TAFA5: variants seen among roughly 807,000 people sequenced by gnomAD.
TAFA5 encodes the protein TAFA chemokine like family member 5, also known as chemokine-like protein TAFA-5.
Under a neutral mutation model 15.3 loss-of-function variants are expected in TAFA5, and 6 were observed. The observed-to-expected ratio is 0.39, with a 90% CI of 0.21 to 0.77. The LOEUF (loss-of-function observed/expected upper bound fraction) is 0.77, where lower values mean the gene tolerates loss of function less well. TAFA5 is among the 30% of genes least tolerant of loss of function. The pLI, the probability that TAFA5 is intolerant of heterozygous loss-of-function variation, is 0.41. For synonymous variants in TAFA5, 103 were observed against 80.7 expected (o/e 1.28, Z -1.48); for missense variants, 161 against 193.1 (o/e 0.83, Z 0.98).
At chr22:48,600,170 CCT>C (rs1215991925) in intron 1 of TAFA5, among the ~76,000 whole-genome samples, 1 of 151,976 alleles carries the variant, frequency 6.6e-6, no homozygotes, top group African/African-American at 2.4e-5. Context: ...CGAGATCTCC[CCT>C]GTGTCAGTGA....
intron 1 of TAFA5, among the ~76,000 whole-genome samples, chr22:48,597,755 T>C (rs972753833): frequency 6.6e-6 from 1 of 152,262 alleles, no homozygotes; most frequent in Non-Finnish European, 1.5e-5. Context: ...CTGGCACTTC[T>C]CAGCCGACTG....
chr22:48,606,596 C>G (rs1385401219), intron 1 of TAFA5, among the ~76,000 whole-genome samples: 1 of 152,218 alleles, frequency 6.6e-6, no homozygotes, highest in African/African-American at 2.4e-5. Flanking sequence ...TGATTTTCTT[C>G]TTTTTATACA....
At chr22:48,616,716 G>A (rs1264987165) in intron 1 of TAFA5, among the ~76,000 whole-genome samples, 1 of 152,180 alleles carries the variant, frequency 6.6e-6, no homozygotes, top group Non-Finnish European at 1.5e-5. Flanking sequence ...TCTGTCTAGG[G>A]CTGCAGAAAG....
chr22:48,518,224 T>G (rs1348337052), intron 1 of TAFA5, among the ~76,000 whole-genome samples: 2 of 152,192 alleles, frequency 1.3e-5, no homozygotes, highest in African/African-American at 4.8e-5. Context: ...GATCTGGGTG[T>G]CTGGACCTGG....
At chr22:48,723,769 A>G (rs1489837310) in intron 3 of TAFA5, among the ~76,000 whole-genome samples, 3 of 152,254 alleles carry the variant, frequency 2.0e-5, no homozygotes, top group Non-Finnish European at 4.4e-5. Context: ...GGATGATAAG[A>G]AAGGAAAATG....
intron 1 of TAFA5, among the ~76,000 whole-genome samples, chr22:48,616,484 G>A (rs1925609377): frequency 6.6e-6 from 1 of 152,172 alleles, no homozygotes; most frequent in Admixed American, 6.5e-5. Flanking sequence ...CATCTCTAAT[G>A]CGTCACCCGC....
At position 48,636,061 on chromosome 22, in the gene TAFA5, AG is replaced by A. The variant is rs564335764; in HGVS notation, c.113-10534del. On this transcript the variant is annotated intron_variant, in intron 1 of 3. Transcript: ENST00000402357. ...GTGCACAGGCAGTGGCCAGACGGCC[AG>A]GCCGCAGGCAGTTGCTCCCGGCAGT... is the stretch of plus-strand genomic sequence containing the variant. Among the ~76,000 whole-genome samples the A allele has an allele frequency of 6.4e-4, 98 of 152,348 alleles. 1 individual carries two copies. Among genetic ancestry groups the A allele is most frequent in the South Asian group, 6.2e-4 (3 of 4,820 alleles).
At chr22:48,703,649 G>A (rs918293839) in intron 2 of TAFA5, among the ~76,000 whole-genome samples, 4 of 152,236 alleles carry the variant, frequency 2.6e-5, no homozygotes, top group East Asian at 1.9e-4. Context: ...CACCCTCAGC[G>A]TCCTTCTCCC....
intron 1 of TAFA5, among the ~76,000 whole-genome samples, chr22:48,624,039 G>A (rs754106463): frequency 5.9e-5 from 9 of 152,164 alleles, no homozygotes; most frequent in Admixed American, 1.3e-4. Flanking sequence ...AGGATCCCAC[G>A]TGGTATTATT....
intron 1 of TAFA5, among the ~76,000 whole-genome samples, chr22:48,643,444 G>A (rs1412366372): frequency 3.9e-5 from 6 of 152,168 alleles, no homozygotes; most frequent in South Asian, 2.1e-4. Context: ...TTTGGGGACC[G>A]CCTGGGTGAG....
At chr22:48,494,532 C>T (rs1928260224) in intron 1 of TAFA5, among the ~76,000 whole-genome samples, 1 of 152,166 alleles carries the variant, frequency 6.6e-6, no homozygotes, top group African/African-American at 2.4e-5. Context: ...TGTCAGGGGC[C>T]TGTGTTGGTG....
chr22:48,561,295 C>T (rs867749818), intron 1 of TAFA5, among the ~76,000 whole-genome samples: 11 of 152,144 alleles, frequency 7.2e-5, no homozygotes, highest in African/African-American at 1.4e-4. Context: ...CTCTCCCGTC[C>T]GCAGGGATAG....
At position 48,582,833 on chromosome 22, in the gene TAFA5, A is replaced by C. The variant is rs559558518; in HGVS notation, c.113-63764A>C. Among the ~76,000 whole-genome samples the C allele has an allele frequency of 3.1e-3, 295 of 94,944 alleles. 4 individuals are homozygous for C. Among genetic ancestry groups the C allele is most frequent in the African/African-American group, 0.011 (272 of 25,354 alleles). The allele number at this position is 94,944 out of a possible 152,430, so 62.3% of individuals were successfully genotyped here. A position where few individuals can be genotyped will look rare whatever the true frequency, so the allele number is the denominator to read the frequency against. On this transcript the variant is annotated intron_variant, in intron 1 of 3. Coordinates refer to ENST00000402357, the MANE Select transcript of TAFA5 (RefSeq NM_001082967.3). ...AATACACCACACACCACACACAATA[A>C]ACCACACACAAAATACACCACACAC...
intron 2 of TAFA5, among the ~76,000 whole-genome samples, chr22:48,676,964 CA>C (rs1261466380): frequency 2.6e-5 from 4 of 152,208 alleles, no homozygotes; most frequent in African/African-American, 9.6e-5. Flanking sequence ...ACTGGGCTCC[CA>C]GGGGCAGCCC....
In TAFA5 at chr22:48,552,882, TCCCA is replaced by T. The variant is rs1311213146; in HGVS notation, c.112+63180_112+63183del. Among the ~76,000 whole-genome samples, 3 of 152,074 alleles carry T rather than the reference TCCCA, an allele frequency of 2.0e-5. No homozygotes were observed. Among genetic ancestry groups the T allele is most frequent in the African/African-American group, 7.2e-5 (3 of 41,418 alleles). On this transcript the variant is annotated intron_variant, in intron 1 of 3. Transcript: ENST00000402357. This position sits in a 1 kb window ranked among gnomAD's most constrained non-coding sequence, Gnocchi z 4.1. ...AGCCCTGGGTGCTGAGCCCCTGGTT[TCCCA>T]CTGTTGTGACGGCCCTGTCTGCATT... is the stretch of plus-strand genomic sequence containing the variant.
intron 2 of TAFA5, among the ~76,000 whole-genome samples, chr22:48,668,989 G>T (rs1185147387): frequency 6.6e-6 from 1 of 152,234 alleles, no homozygotes; most frequent in Non-Finnish European, 1.5e-5. Context: ...CACCCTCGAG[G>T]TGATGGTATT....
chr22:48,644,266 G>C (rs1926786159), intron 1 of TAFA5, among the ~76,000 whole-genome samples: 1 of 152,198 alleles, frequency 6.6e-6, no homozygotes, highest in South Asian at 2.1e-4. Flanking sequence ...CGTGGGAGGG[G>C]CTTGCTGGTG....
intron 1 of TAFA5, among the ~76,000 whole-genome samples, chr22:48,569,439 C>T (rs1286076436): frequency 6.6e-6 from 1 of 152,120 alleles, no homozygotes; most frequent in Non-Finnish European, 1.5e-5. Flanking sequence ...GTTTTGTGAC[C>T]TCTGGGATGG....
At chr22:48,495,384 G>A (rs576530551) in intron 1 of TAFA5, among the ~76,000 whole-genome samples, 2 of 152,204 alleles carry the variant, frequency 1.3e-5, no homozygotes, top group African/African-American at 2.4e-5. Flanking sequence ...AGCAAAGGCC[G>A]AAGATGATGG....
Sources: gnomAD v4.1 joint callset for allele counts (sites outside exome capture counted in the v4.1 genomes callset) on GRCh38, gnomAD v4.1.1 for gene constraint, Gnocchi (gnomAD v3.1) non-coding constraint, MANE v1.5 for transcripts, NCBI Gene and HGNC (gene_info 2026-07-23, HGNC 2026-07-21) for gene names.